Variants in CSMD1 observed in about 807,000 individuals in gnomAD.
CSMD1 encodes CUB and sushi domain-containing protein 1.
In CSMD1, 213 loss-of-function variants were observed where a neutral mutation model predicts 417.5. That is an observed-to-expected ratio of 0.51 (90% CI 0.46 to 0.57). CSMD1 has a LOEUF of 0.57. Ranked by LOEUF, CSMD1 falls within the 20% of genes least tolerant of loss-of-function variation. The pLI is 0.00. For missense variants in CSMD1, 6,923 were observed against 4,529.7 expected, an observed-to-expected ratio of 1.53 and a Z score of -15.17; for synonymous variants, 2,862 against 1,736.8, an observed-to-expected ratio of 1.65 and a Z score of -16.11.
intron 1 of CSMD1, among the ~76,000 whole-genome samples, chr8:4,645,225 G>A (rs1459538697): frequency 6.6e-6 from 1 of 151,886 alleles, no homozygotes; most frequent in Non-Finnish European, 1.5e-5. Flanking sequence ...CATCATTCCG[G>A]GCAAGACAAG....
chr8:4,171,925 G>T (rs75929965), intron 3 of CSMD1, among the ~76,000 whole-genome samples: 2 of 151,862 alleles, frequency 1.3e-5, no homozygotes, highest in Non-Finnish European at 2.9e-5. Flanking sequence ...TATGTTTCTC[G>T]CAATACTCTA....
At chr8:3,308,702 G>C (rs1004790909) in intron 23 of CSMD1, among the ~76,000 whole-genome samples, 199 bp from the exon 24 acceptor site, 2 of 145,156 alleles carry the variant, frequency 1.4e-5, no homozygotes, top group Non-Finnish European at 3.0e-5. Flanking sequence ...TTGAAGTTCG[G>C]TCATCTTATT....
chr8:4,841,475 A>G (rs1382837033), intron 1 of CSMD1, among the ~76,000 whole-genome samples: 1 of 152,222 alleles, frequency 6.6e-6, no homozygotes, highest in Non-Finnish European at 1.5e-5. Context: ...AAACTAGCAA[A>G]GGAAATACCA....
intron 2 of CSMD1, among the ~76,000 whole-genome samples, chr8:4,608,627 T>TG (rs1214398356): frequency 2.0e-5 from 3 of 152,226 alleles, no homozygotes; most frequent in Non-Finnish European, 2.9e-5. Context: ...TCGCTAGCAA[T>TG]GCCCGCCATA....
At chr8:3,087,059 AC>A in intron 49 of CSMD1, 37 bp downstream of exon 49, 4 of 1,557,594 alleles carry the variant, frequency 2.6e-6, no homozygotes, top group Non-Finnish European at 3.5e-6. Context: ...AGAGCAATAC[AC>A]AGGAAACAAG....
rs376267961 is a variant in CSMD1, at chr8:3,839,156, A to G, written c.819-85114T>C. On this transcript the variant is annotated intron_variant, in intron 5 of 69. Coordinates refer to ENST00000635120, the MANE Select transcript of CSMD1 (RefSeq NM_033225.6). ...CTAGATATATATAGTCTATATATCTATAGTCCCTCTCTCTATATATTTATA... is the reference window on the plus strand; with the variant it reads ...CTAGATATATATAGTCTATATATCTGTAGTCCCTCTCTCTATATATTTATA... 2.3e-4 allele frequency among the ~76,000 whole-genome samples: 29 copies of G among 127,452 alleles called. No individual in the cohort carries two copies. In the East Asian group the frequency reaches 3.3e-3, roughly 14 times the overall value. 83.6% of individuals were successfully genotyped at this position (127,452 alleles called of 152,430 possible). A position where few individuals can be genotyped will look rare whatever the true frequency, so the allele number is the denominator to read the frequency against.
At chr8:4,536,025 C>G (rs531449764) in intron 2 of CSMD1, among the ~76,000 whole-genome samples, 1 of 152,038 alleles carries the variant, frequency 6.6e-6, no homozygotes, top group Non-Finnish European at 1.5e-5. Context: ...CCATTATTAA[C>G]ATTATTTTTG....
rs575729888 is a variant in CSMD1, at chr8:4,970,283, G to T, written c.85+24049C>A. On this transcript the variant is annotated intron_variant, in intron 1 of 69. Transcript: ENST00000635120. ...CTCTTTGATCTGCCTGTAAGTGATA[G>T]ATCATTTGTCTGTAAAATGGGAATA... Among the ~76,000 whole-genome samples, 6 of 152,066 alleles carry T rather than the reference G, an allele frequency of 3.9e-5. No individual in the cohort carries two copies. The East Asian group carries it at 9.6e-4, about 24-fold the overall frequency.
At chr8:3,841,730 C>G (rs779837019) in intron 5 of CSMD1, among the ~76,000 whole-genome samples, 4 of 151,878 alleles carry the variant, frequency 2.6e-5, no homozygotes, top group African/African-American at 9.7e-5. Context: ...TACAATAGTT[C>G]CCTCCTAGCT....
At chr8:3,503,477 G>T (rs928092602) in intron 10 of CSMD1, among the ~76,000 whole-genome samples, 1 of 152,196 alleles carries the variant, frequency 6.6e-6, no homozygotes, top group Non-Finnish European at 1.5e-5. Flanking sequence ...GTCTTGGGAC[G>T]GCGGCATCAG....
intron 3 of CSMD1, among the ~76,000 whole-genome samples, chr8:4,417,494 A>G (rs1246452335): frequency 6.6e-6 from 1 of 152,066 alleles, no homozygotes; most frequent in Non-Finnish European, 1.5e-5. Context: ...TGTTAATACT[A>G]CCACAATTCC....
intron 7 of CSMD1, among the ~76,000 whole-genome samples, chr8:3,636,859 T>C (rs189425867): frequency 1.3e-5 from 2 of 152,206 alleles, no homozygotes; most frequent in African/African-American, 4.8e-5. Flanking sequence ...CCAAGACTCA[T>C]GTTGAGATAT....
At chr8:4,822,228 T>G (rs1170284516) in intron 1 of CSMD1, among the ~76,000 whole-genome samples, 4 of 152,090 alleles carry the variant, frequency 2.6e-5, no homozygotes, top group African/African-American at 4.8e-5. Flanking sequence ...GTTTGCAACT[T>G]ACTTTCACCG....
At chr8:4,062,915 C>CG (rs1799053580) in intron 3 of CSMD1, among the ~76,000 whole-genome samples, 2 of 147,422 alleles carry the variant, frequency 1.4e-5, no homozygotes, top group South Asian at 4.3e-4. Context: ...CTGATCATTG[C>CG]AAAAAAAAAA....
At chr8:3,213,964 C>A (rs10086516) in intron 30 of CSMD1, among the ~76,000 whole-genome samples, 1 of 151,478 alleles carries the variant, frequency 6.6e-6, no homozygotes, top group South Asian at 2.1e-4. Flanking sequence ...TCCTGCCTCA[C>A]CCTACTGAGT....
intron 3 of CSMD1, among the ~76,000 whole-genome samples, chr8:4,172,956 G>C (rs764428999): frequency 7.2e-5 from 11 of 152,080 alleles, no homozygotes; most frequent in Non-Finnish European, 1.3e-4. Context: ...CGAGGGCTGA[G>C]GCAGGCAGCT....
At position 4,730,208 on chromosome 8, in the gene CSMD1, GAAAACAAAAC is replaced by G. The variant is rs528105713; in HGVS notation, c.86-92660_86-92651del. On this transcript the variant is annotated intron_variant, in intron 1 of 69. Coordinates refer to ENST00000635120, the MANE Select transcript of CSMD1 (RefSeq NM_033225.6). ...AGGGATGGAAAAGAGGGAGACAGAA[GAAAACAAAAC>G]AAAACAAAACAAAACAAAACATATA... Among the ~76,000 whole-genome samples the G allele has an allele frequency of 4.5e-3, 687 of 151,728 alleles. 2 individuals carry two copies. Among genetic ancestry groups the G allele is most frequent in the Non-Finnish European group, 5.6e-3 (383 of 67,904 alleles).
At chr8:3,439,320 T>TTTTTTA (rs1491186840) in intron 12 of CSMD1, among the ~76,000 whole-genome samples, 1 of 133,818 alleles carries the variant, frequency 7.5e-6, no homozygotes, top group Non-Finnish European at 1.6e-5. Flanking sequence ...TTTTTTTTTT[T>TTTTTTA]AATATGTATT....
intron 1 of CSMD1, among the ~76,000 whole-genome samples, chr8:4,990,918 G>A (rs1288042234): frequency 6.6e-6 from 1 of 152,150 alleles, no homozygotes. Context: ...TCAGCAGTGC[G>A]TGCTCACATC....
Sources: gnomAD v4.1 joint callset for allele counts (sites outside exome capture counted in the v4.1 genomes callset) on GRCh38, gnomAD v4.1.1 for gene constraint, MANE v1.5 for transcripts, NCBI Gene and HGNC (gene_info 2026-07-23, HGNC 2026-07-21) for gene names.